CSMD1: variants seen among roughly 807,000 people sequenced by gnomAD.
The protein encoded by CSMD1 is CUB and sushi domain-containing protein 1.
Under a neutral mutation model 417.5 loss-of-function variants are expected in CSMD1, and 213 were observed. The observed-to-expected ratio is 0.51, with a 90% CI of 0.46 to 0.57. The LOEUF (loss-of-function observed/expected upper bound fraction) is 0.57. Ranked by LOEUF, CSMD1 falls within the 20% of genes least tolerant of loss-of-function variation. The pLI, the probability that CSMD1 is intolerant of heterozygous loss-of-function variation, is 0.00. For synonymous variants in CSMD1, 2,862 were observed against 1,736.8 expected (o/e 1.65, Z -16.11); for missense variants, 6,923 against 4,529.7 (o/e 1.53, Z -15.17).
intron 4 of CSMD1, among the ~76,000 whole-genome samples, chr8:4,019,211 T>C (rs1796666848): frequency 6.6e-6 from 1 of 152,180 alleles, no homozygotes; most frequent in Admixed American, 6.6e-5. Context: ...ACAATAAACC[T>C]GAGAGAGGCT....
chr8:3,086,009 C>T (rs770065493), intron 49 of CSMD1, among the ~76,000 whole-genome samples: 1 of 152,074 alleles, frequency 6.6e-6, no homozygotes, highest in Non-Finnish European at 1.5e-5. Context: ...TCCAGGCTGC[C>T]GTTTGGGCTG....
At chr8:4,125,069 G>A (rs947845747) in intron 3 of CSMD1, among the ~76,000 whole-genome samples, 2 of 152,030 alleles carry the variant, frequency 1.3e-5, no homozygotes, top group African/African-American at 4.8e-5. Flanking sequence ...ACTCGCCGCT[G>A]CAGTCCACGG....
chr8:4,176,326 G>T (rs546185814), intron 3 of CSMD1, among the ~76,000 whole-genome samples: 2 of 152,150 alleles, frequency 1.3e-5, no homozygotes, highest in East Asian at 1.9e-4. Flanking sequence ...GTTTGCTGAC[G>T]TCAACCTTTT....
Position 3,347,852 on chromosome 8 carries a change from T to A in CSMD1, c.3474+140A>T, listed in dbSNP as rs895520301. The A allele has an allele frequency of 1.4e-5, 8 of 563,232 alleles. No individual in the cohort carries two copies. In the Admixed American group the frequency reaches 2.7e-4, roughly 19 times the overall value. 34.9% of individuals were successfully genotyped at this position (563,232 alleles called of 1,614,324 possible). A position where few individuals can be genotyped will look rare whatever the true frequency, so the allele number is the denominator to read the frequency against. ...GTGACATTACACCTTCTCAAACTCA[T>A]TGTGTAAATAAATACAAATAAATCA... On this transcript the variant is annotated intron_variant, in intron 22 of 69. Transcript: ENST00000635120.
At chr8:4,988,063 T>G (rs1811271590) in intron 1 of CSMD1, among the ~76,000 whole-genome samples, 1 of 152,222 alleles carries the variant, frequency 6.6e-6, no homozygotes. Flanking sequence ...ACATTTATCC[T>G]ATTTGTTCTG....
chr8:3,185,321 G>C (rs1315469564), intron 36 of CSMD1, among the ~76,000 whole-genome samples: 1 of 152,194 alleles, frequency 6.6e-6, no homozygotes, highest in Non-Finnish European at 1.5e-5. Flanking sequence ...AAAGGAGATT[G>C]TTGTTATTTT....
At chr8:3,603,833 T>C (rs1801477585) in intron 8 of CSMD1, among the ~76,000 whole-genome samples, 1 of 152,222 alleles carries the variant, frequency 6.6e-6, no homozygotes, top group Non-Finnish European at 1.5e-5. Flanking sequence ...TCCAATGATG[T>C]CCATACTTTC....
At chr8:4,838,399 C>G (rs1057479593) in intron 1 of CSMD1, among the ~76,000 whole-genome samples, 1 of 152,260 alleles carries the variant, frequency 6.6e-6, no homozygotes, top group African/African-American at 2.4e-5. Flanking sequence ...AAGATTGCAA[C>G]CTGATATTTG....
chr8:4,700,437 T>C (rs1807450318), intron 1 of CSMD1, among the ~76,000 whole-genome samples: 1 of 152,292 alleles, frequency 6.6e-6, no homozygotes, highest in East Asian at 1.9e-4. Context: ...TAGGTTTACT[T>C]TGTGACACCT....
chr8:3,553,227 C>G (rs1326603568), intron 10 of CSMD1, among the ~76,000 whole-genome samples: 1 of 152,074 alleles, frequency 6.6e-6, no homozygotes, highest in Non-Finnish European at 1.5e-5. Context: ...GAGAAGATAC[C>G]TAGGTAGGCT....
Position 4,158,237 on chromosome 8 carries a change from GATC to G in CSMD1, c.416-126141_416-126139del, listed in dbSNP as rs562097774. The stretch of plus-strand genomic sequence containing the variant: ...TGGCACCATTGATGCTAGGACGGAG[GATC>G]ATGCCCCCATGCCAGCTCTGCAGAC... On this transcript the variant is annotated intron_variant, in intron 3 of 69. Transcript: ENST00000635120. Among the ~76,000 whole-genome samples the G allele has an allele frequency of 5.3e-3, 807 of 152,044 alleles. 5 individuals are homozygous for G. The highest frequency in any genetic ancestry group is 0.017 in the Middle Eastern group (5 of 294).
At chr8:3,337,665 G>C (rs1297459525) in intron 23 of CSMD1, among the ~76,000 whole-genome samples, 4 of 152,164 alleles carry the variant, frequency 2.6e-5, no homozygotes, top group Non-Finnish European at 5.9e-5. Flanking sequence ...ATCTCAAAAT[G>C]ATTCAAAGAC....
chr8:4,126,392 T>A (rs541638056), intron 3 of CSMD1, among the ~76,000 whole-genome samples: 2 of 152,162 alleles, frequency 1.3e-5, no homozygotes, highest in African/African-American at 4.8e-5. Flanking sequence ...CACACCAGAA[T>A]GGTGCCAAAC....
chr8:4,846,468 T>A (rs1386561460), intron 1 of CSMD1, among the ~76,000 whole-genome samples: 1 of 152,176 alleles, frequency 6.6e-6, no homozygotes, highest in Admixed American at 6.5e-5. Context: ...TCTGTCTTGG[T>A]TGACTGAGCC....
intron 5 of CSMD1, among the ~76,000 whole-genome samples, chr8:3,798,771 T>G (rs1800301503): frequency 6.6e-6 from 1 of 152,106 alleles, no homozygotes; most frequent in Admixed American, 6.6e-5. Context: ...TTTTTTTTAC[T>G]ATGTTTGTAT....
chr8:3,561,386 T>C (rs1483634186), intron 10 of CSMD1, among the ~76,000 whole-genome samples: 1 of 152,190 alleles, frequency 6.6e-6, no homozygotes, highest in Non-Finnish European at 1.5e-5. Context: ...TCAACTTAAG[T>C]GTCCAACAAT....
chr8:3,556,389 A>ATTT (rs1446015509), intron 10 of CSMD1, among the ~76,000 whole-genome samples: 1,782 of 118,106 alleles, frequency 0.015, 77 homozygotes, highest in African/African-American at 0.066. Flanking sequence ...ATTTATAATA[A>ATTT]TTAATATATA....
At chr8:3,182,841 GGTGTGTGTGTGTGTGTGTGTGTGTGT>G (rs1554454770) in intron 36 of CSMD1, 1 of 11,476 alleles carries the variant, frequency 8.7e-5, no homozygotes, top group African/African-American at 2.6e-4. Flanking sequence ...TTTATAAGAA[GGTGTGTGTGTGTGTGTGTGTGTGTGT>G]GTGTGTGTGT....
At chr8:3,868,165 T>G (rs568379082) in intron 5 of CSMD1, among the ~76,000 whole-genome samples, 100 of 152,136 alleles carry the variant, frequency 6.6e-4, no homozygotes, top group African/African-American at 2.3e-3. Flanking sequence ...TCCACTCCAC[T>G]CTGCTGAACC....
Sources: allele counts gnomAD v4.1 joint callset (sites outside exome capture counted in the v4.1 genomes callset), GRCh38; gene constraint gnomAD v4.1.1; transcripts MANE v1.5; gene names NCBI Gene and HGNC (gene_info 2026-07-23, HGNC 2026-07-21).